The following NIPBL variants were observed in gnomAD, a reference collection of about 807,000 sequenced individuals.
The protein encoded by NIPBL is nipped-B-like protein.
A neutral mutation model predicts 321.8 loss-of-function variants in NIPBL; 19 were observed. That is an observed-to-expected ratio of 0.06 (90% CI 0.04 to 0.09). The LOEUF is 0.09. NIPBL is among the 10% of genes least tolerant of loss of function. The pLI is 1.00. For synonymous variants in NIPBL, 1,106 were observed against 1,114.1 expected, an observed-to-expected ratio of 0.99 and a Z score of 0.14; for missense variants, 2,210 against 3,327.0, an observed-to-expected ratio of 0.66 and a Z score of 8.26.
At chr5:36,987,277 C>T in intron 10 of NIPBL, among the ~76,000 whole-genome samples, 1 of 152,256 alleles carries the variant, frequency 6.6e-6, no homozygotes, top group East Asian at 1.9e-4. Context: ...TAGATTTATA[C>T]TTATATATAA....
At chr5:36,929,575 A>G (rs1261436057) in intron 1 of NIPBL, among the ~76,000 whole-genome samples, 1 of 152,052 alleles carries the variant, frequency 6.6e-6, no homozygotes, top group Non-Finnish European at 1.5e-5. Flanking sequence ...AATCCAGTTT[A>G]TCAGTTTTAT....
intron 5 of NIPBL, 93 bp downstream of exon 5, chr5:36,961,676 ATTTAGAG>A: frequency 1.1e-6 from 1 of 885,336 alleles, no homozygotes; most frequent in South Asian, 1.3e-5. Context: ...ATGGTGGATT[ATTTAGAG>A]TTTAAATAGT....
chr5:36,953,799 G>A, intron 2 of NIPBL, 39 bp downstream of exon 2: 1 of 1,500,650 alleles, frequency 6.7e-7, no homozygotes, highest in Non-Finnish European at 9.3e-7. Flanking sequence ...GTTCTACTGT[G>A]TGTTAACAAT....
intron 1 of NIPBL, among the ~76,000 whole-genome samples, chr5:36,945,287 C>A (rs905047828): frequency 1.3e-5 from 2 of 152,112 alleles, no homozygotes; most frequent in African/African-American, 2.4e-5. Flanking sequence ...CAGGCCTCTG[C>A]AAATCCATTT....
At position 37,063,269 on chromosome 5, in the gene NIPBL, C is replaced by T. The variant is rs549875015; in HGVS notation, c.7861-521C>T. ...ACTAAGAATATAATCTACACAGTGG[C>T]TTTTCATATTATTCATTGACTGCAA... is the stretch of plus-strand genomic sequence containing the variant. On this transcript the variant is annotated intron_variant, in intron 45 of 46. Coordinates refer to ENST00000282516, the MANE Select transcript of NIPBL (RefSeq NM_133433.4). Among the ~76,000 whole-genome samples the T allele has an allele frequency of 3.9e-5, 6 of 152,270 alleles. No homozygotes were observed. The East Asian group carries it at 9.6e-4, about 24-fold the overall frequency.
intron 21 of NIPBL, among the ~76,000 whole-genome samples, chr5:37,011,075 C>T (rs1371151122): frequency 6.6e-6 from 1 of 152,166 alleles, no homozygotes; most frequent in Non-Finnish European, 1.5e-5. Flanking sequence ...TTTATTCCCT[C>T]CCTAATAGGT....
chr5:37,015,553 A>C (rs895752597), intron 22 of NIPBL, among the ~76,000 whole-genome samples: 5 of 152,024 alleles, frequency 3.3e-5, no homozygotes, highest in African/African-American at 9.7e-5. Context: ...AGCGTGGTGA[A>C]ACCCTGTCTC....
intron 42 of NIPBL, among the ~76,000 whole-genome samples, chr5:37,054,417 T>A (rs543665685): frequency 1.3e-5 from 2 of 152,200 alleles, no homozygotes; most frequent in Non-Finnish European, 2.9e-5. Flanking sequence ...CCAGATGATA[T>A]AATGTAGTGC....
At position 36,984,925 on chromosome 5, in the gene NIPBL, A is replaced by G. The variant is rs763163376; in HGVS notation, c.1745A>G (p.Gln582Arg). 13 of 1,613,690 alleles carry G rather than the reference A, an allele frequency of 8.1e-6. No homozygotes were observed. Among genetic ancestry groups the G allele is most frequent in the Non-Finnish European group, 1.1e-5 (13 of 1,179,838 alleles). Residue 582 changes from glutamine to arginine, a missense_variant, in exon 10 of 47, where the codon CAG becomes CGG. By Grantham distance (43) the Gln-to-Arg change is conservative. Around this residue, in one of 14 missense-constraint regions of NIPBL, gnomAD observed 588 missense variants for 564.1 expected, o/e 1.04. Transcript: ENST00000282516. Reference sequence around the variant, plus strand: ...AATGATGCACCTGTTTCTGTTCTTCAGGAAGATATTGTTGGAAGTCTTAAA... The same window carrying G: ...AATGATGCACCTGTTTCTGTTCTTCGGGAAGATATTGTTGGAAGTCTTAAA... ...QCNDAPVSVL[Q>R]EDIVGSLKST...
At chr5:36,988,941 G>A (rs1461619920) in intron 10 of NIPBL, among the ~76,000 whole-genome samples, 2 of 152,120 alleles carry the variant, frequency 1.3e-5, no homozygotes, top group Non-Finnish European at 2.9e-5. Flanking sequence ...CATGATAAAT[G>A]TAAAGTGGCA....
intron 8 of NIPBL, among the ~76,000 whole-genome samples, chr5:36,974,215 T>C (rs1374819510): frequency 1.3e-5 from 2 of 152,174 alleles, no homozygotes; most frequent in Non-Finnish European, 2.9e-5. Context: ...AAATAGTAGA[T>C]GAACTTTAGA....
chr5:36,981,530 G>T (rs1744138137), intron 9 of NIPBL, among the ~76,000 whole-genome samples: 1 of 151,548 alleles, frequency 6.6e-6, no homozygotes, highest in Admixed American at 6.6e-5. Context: ...TATTCCAAAA[G>T]GACCCTTTTC....
intron 32 of NIPBL, among the ~76,000 whole-genome samples, chr5:37,033,705 C>CACACACACACATAT (rs1415570935): frequency 1.2e-5 from 1 of 80,264 alleles, no homozygotes; most frequent in African/African-American, 4.8e-5. Context: ...CACACACACA[C>CACACACACACATAT]ATATATATAT....
chr5:36,892,682 G>A (rs1746431922), intron 1 of NIPBL, among the ~76,000 whole-genome samples: 2 of 152,014 alleles, frequency 1.3e-5, no homozygotes, highest in Admixed American at 6.6e-5. Context: ...GGGAACTATT[G>A]CAAGGACAAA....
intron 27 of NIPBL, among the ~76,000 whole-genome samples, chr5:37,021,805 G>A (rs1401871094): frequency 6.6e-6 from 1 of 152,150 alleles, no homozygotes; most frequent in African/African-American, 2.4e-5. Flanking sequence ...TGCAAATGAA[G>A]CAAAACAATT....
At chr5:37,007,773 A>G (rs1382452578) in intron 18 of NIPBL, among the ~76,000 whole-genome samples, 1 of 152,030 alleles carries the variant, frequency 6.6e-6, no homozygotes, top group Admixed American at 6.5e-5. Flanking sequence ...TGTAAACTCA[A>G]AAAGTAGAGA....
intron 1 of NIPBL, 25 bp from the exon 2 acceptor site, chr5:36,953,593 T>C (rs1740639710): frequency 1.1e-6 from 1 of 909,132 alleles, no homozygotes; most frequent in Non-Finnish European, 1.9e-6. Flanking sequence ...TCTCTACAAA[T>C]AATTGTCTGT....
At chr5:37,035,790 A>G (rs73750919) in intron 32 of NIPBL, among the ~76,000 whole-genome samples, 5,008 of 152,240 alleles carry the variant, frequency 0.033, 261 homozygotes, top group African/African-American at 0.11. Flanking sequence ...AGGAAAACAG[A>G]TATACCTTAT....
At chr5:36,950,545 A>G (rs1740170698) in intron 1 of NIPBL, among the ~76,000 whole-genome samples, 2 of 152,064 alleles carry the variant, frequency 1.3e-5, no homozygotes, top group Admixed American at 6.6e-5. Context: ...GTATACTCTT[A>G]TAGTTCTATT....
Sources: allele counts gnomAD v4.1 joint callset (sites outside exome capture counted in the v4.1 genomes callset), GRCh38; gene constraint gnomAD v4.1.1; regional missense constraint gnomAD v4.1.1; transcripts MANE v1.5; gene names NCBI Gene and HGNC (gene_info 2026-07-23, HGNC 2026-07-21).